The following L3MBTL1 variants were observed in gnomAD, a reference collection of about 807,000 sequenced individuals.
L3MBTL1 encodes L3MBTL histone methyl-lysine binding protein 1, also known as lethal(3)malignant brain tumor-like protein 1.
Under a neutral mutation model 105.3 loss-of-function variants are expected in L3MBTL1, and 75 were observed. The observed-to-expected ratio is 0.71, with a 90% CI of 0.59 to 0.86. The LOEUF (loss-of-function observed/expected upper bound fraction) is 0.86, where lower values mean the gene tolerates loss of function less well. L3MBTL1 is among the 40% of genes least tolerant of loss of function. L3MBTL1 has a pLI of 0.00. For synonymous variants in L3MBTL1, 452 were observed against 436.2 expected (o/e 1.04, Z -0.45); for missense variants, 1,069 against 1,126.4 (o/e 0.95, Z 0.73).
downstream of L3MBTL1, among the ~76,000 whole-genome samples, chr20:43,544,285 T>C (rs1978430069): frequency 2.0e-5 from 3 of 152,246 alleles, no homozygotes; most frequent in African/African-American, 7.2e-5. Flanking sequence ...ATTCCATGTG[T>C]GGCTCTCTCA....
chr20:43,542,611 C>CAAAAAAAAAAAAAAAAA (rs5841503), downstream of L3MBTL1, among the ~76,000 whole-genome samples: 1 of 112,660 alleles, frequency 8.9e-6, no homozygotes, highest in African/African-American at 3.3e-5. Context: ...AAAAATTTAA[C>CAAAAAAAAAAAAAAAAA]AAAAAAAAAA....
At chr20:43,534,979 C>A in intron 16 of L3MBTL1, 37 bp downstream of exon 16, 1 of 1,429,846 alleles carries the variant, frequency 7.0e-7, no homozygotes, top group Non-Finnish European at 9.6e-7. Context: ...TTTTCCTTTC[C>A]CCCCAGGTTC....
Position 43,534,888 on chromosome 20 carries a change from A to T in L3MBTL1, c.1771A>T (p.Ile591Phe), listed in dbSNP as rs368489136. 2.5e-6 allele frequency: 4 copies of T among 1,609,094 alleles called. No homozygotes were observed. In the African/African-American group the frequency reaches 5.4e-5, roughly 22 times the overall value. ...DFWIDADHPDIHPAGWCSKTG... is the reference protein window; with the variant it reads ...DFWIDADHPDFHPAGWCSKTG... Reference sequence around the variant, plus strand: ...CTGGATCGACGCTGACCACCCAGACATCCACCCTGCCGGCTGGTGCTCCAA... The same window carrying T: ...CTGGATCGACGCTGACCACCCAGACTTCCACCCTGCCGGCTGGTGCTCCAA... The change falls in exon 16 of 22, where the codon ATC becomes TTC. Residue 591 changes from isoleucine (I) to phenylalanine (F), a missense_variant. Ile to Phe is a conservative substitution (Grantham distance 21). Coordinates refer to ENST00000418998, the MANE Select transcript of L3MBTL1 (RefSeq NM_001377303.1).
intron 2 of L3MBTL1, 30 bp downstream of exon 2, chr20:43,513,669 A>G (rs1255634368): frequency 1.9e-6 from 3 of 1,550,536 alleles, no homozygotes; most frequent in Non-Finnish European, 2.6e-6. Flanking sequence ...GAGTCTGGGA[A>G]GGAAGAGCAT....
chr20:43,547,968 T>C, intron 18 of L3MBTL1: 2 of 335,398 alleles, frequency 6.0e-6, no homozygotes, highest in South Asian at 3.2e-5. Flanking sequence ...TCTCCCCTTC[T>C]CTCCTCCTTC....
Position 43,515,276 on chromosome 20 carries a change from G to T in L3MBTL1, c.654-16G>T. On this transcript the variant is annotated splice_polypyrimidine_tract_variant and intron_variant, in intron 5 of 21. Coordinates refer to ENST00000418998, the MANE Select transcript of L3MBTL1 (RefSeq NM_001377303.1). Reference sequence around the variant, plus strand: ...CAGGGCGGGTGGTTCTTTCCCTAAGGCTGGCCCTTCCTCAGGTCAGTCATA... The same window carrying T: ...CAGGGCGGGTGGTTCTTTCCCTAAGTCTGGCCCTTCCTCAGGTCAGTCATA... 6.2e-7 allele frequency: 1 copy of T among 1,610,454 alleles called. No individual in the cohort carries two copies. Among genetic ancestry groups the T allele is most frequent in the East Asian group, 2.2e-5 (1 of 44,748 alleles).
chr20:43,516,718 A>G (rs768987076), intron 7 of L3MBTL1, among the ~76,000 whole-genome samples: 19 of 152,114 alleles, frequency 1.2e-4, no homozygotes, highest in Non-Finnish European at 2.4e-4. Context: ...AGTTTGTTTA[A>G]TGTCTCTCTT....
At chr20:43,515,519 C>G in intron 6 of L3MBTL1, 104 bp downstream of exon 6, 1 of 1,421,004 alleles carries the variant, frequency 7.0e-7, no homozygotes, top group Non-Finnish European at 9.5e-7. Context: ...CCAGAGAAGA[C>G]ACGCATAATG....
chr20:43,510,514 C>T lies in L3MBTL1; in HGVS notation c.-29+2770C>T, dbSNP rs1227096671. 2.0e-5 allele frequency among the ~76,000 whole-genome samples: 3 copies of T among 150,338 alleles called. No individual in the cohort carries two copies. The Admixed American group carries it at 2.0e-4, about 10-fold the overall frequency. On this transcript the variant is annotated intron_variant, in intron 1 of 21. Transcript: ENST00000418998. ...CCACCTCCTGGGTTCAAGCAATTCT[C>T]CTGCCTCAGCCTCCCAAATAGCTGG... is the stretch of plus-strand genomic sequence containing the variant.
At chr20:43,524,129 C>A (rs1451839433) in intron 7 of L3MBTL1, among the ~76,000 whole-genome samples, 1 of 152,064 alleles carries the variant, frequency 6.6e-6, no homozygotes, top group African/African-American at 2.4e-5. Flanking sequence ...CAGAAACTTA[C>A]TAATTTTATT....
In L3MBTL1 at chr20:43,515,066, G is replaced by A; in HGVS notation, c.560G>A (p.Ser187Asn). ...AATCAGGACCCCCCAGAGGATGATA[G>A]CACCTGTCAGTGCCAGGCGTGCGGG... The part of the protein sequence containing the change: ...DPNQDPPEDD[S>N]TCQCQACGPH... Residue 187 changes from serine (S) to asparagine (N), a missense_variant, in exon 5 of 22, where the codon AGC (serine) becomes AAC (asparagine). Ser to Asn is a conservative substitution (Grantham distance 46). Coordinates refer to ENST00000418998, the MANE Select transcript of L3MBTL1 (RefSeq NM_001377303.1). 1 of 1,614,142 alleles carries A rather than the reference G, an allele frequency of 6.2e-7. No homozygotes were observed. The highest frequency in any genetic ancestry group is 1.7e-4 in the Middle Eastern group (1 of 6,060).
rs968967333 is a variant in L3MBTL1, at chr20:43,514,004, A to T, written c.303A>T (p.Thr101=). 6.5e-7 allele frequency: 1 copy of T among 1,542,554 alleles called. No homozygotes were observed. Among genetic ancestry groups the T allele is most frequent in the Non-Finnish European group, 8.7e-7 (1 of 1,146,846 alleles). The part of the protein sequence containing the change: ...SAGPASSSTS[T]VRLLEWTEAA... ...GGCCGGCCAGCTCCAGCACCAGCACAGTGCGGCTTCTGGAATGGACAGAGG... is the reference window on the plus strand; with the variant it reads ...GGCCGGCCAGCTCCAGCACCAGCACTGTGCGGCTTCTGGAATGGACAGAGG... Residue 101 remains threonine, a synonymous_variant, in exon 3 of 22, where the codon ACA becomes ACT. Transcript: ENST00000418998.
At chr20:43,514,319 T>C (rs540804330) in intron 3 of L3MBTL1, 9 of 1,009,566 alleles carry the variant, frequency 8.9e-6, no homozygotes, top group Middle Eastern at 3.3e-4. Flanking sequence ...TGGCTTAGAC[T>C]GGGGCACCCT....
Position 43,514,025 on chromosome 20 carries a change from A to G in L3MBTL1, c.324A>G (p.Thr108=), listed in dbSNP as rs924660556. 13 of 1,537,866 alleles carry G rather than the reference A, an allele frequency of 8.5e-6. No homozygotes were observed. Among genetic ancestry groups the G allele is most frequent in the Non-Finnish European group, 1.1e-5 (13 of 1,146,706 alleles). ...GCACAGTGCGGCTTCTGGAATGGAC[A>G]GAGGCCGCGGCCCCGCCCCCAGGGG... ...STSTVRLLEW[T]EAAAPPPGGG... Residue 108 remains threonine, a synonymous_variant, in exon 3 of 22, where the codon ACA becomes ACG. Coordinates refer to ENST00000418998, the MANE Select transcript of L3MBTL1 (RefSeq NM_001377303.1).
chr20:43,513,937 G>T lies in L3MBTL1; in HGVS notation c.236G>T (p.Cys79Phe). Residue 79 changes from cysteine (C) to phenylalanine (F), a missense_variant, in exon 3 of 22, where the codon TGC becomes TTC. Transcript: ENST00000418998. ...GGTGCCCCGGAGCAAGTGGCCGGCT[G>T]CGAACCAGTTTCTGCCACCGTCCTG... ...HVGAPEQVAG[C>F]EPVSATVLPQ... 6.5e-7 allele frequency: 1 copy of T among 1,550,196 alleles called. No individual in the cohort carries two copies.
At chr20:43,534,490 G>A (rs1266926129) in intron 15 of L3MBTL1, 96 bp downstream of exon 15, 25 of 952,186 alleles carry the variant, frequency 2.6e-5, no homozygotes, top group Non-Finnish European at 3.9e-5. Context: ...GCATGAGAGA[G>A]ATGAAGCCAA....
chr20:43,514,585 G>A (rs1242123044), intron 3 of L3MBTL1, 50 bp from the exon 4 acceptor site: 1 of 1,599,176 alleles, frequency 6.3e-7, no homozygotes, highest in Non-Finnish European at 8.5e-7. Flanking sequence ...TCCGAGATGG[G>A]TCAAGGACCC....
intron 13 of L3MBTL1, among the ~76,000 whole-genome samples, 178 bp from the exon 14 acceptor site, chr20:43,533,830 G>A (rs1332131311): frequency 6.6e-6 from 1 of 152,154 alleles, no homozygotes; most frequent in Non-Finnish European, 1.5e-5. Flanking sequence ...TGCCTTGCTT[G>A]GTTCTACTAG....
At chr20:43,549,189 C>T (rs1978824506) in exon 19 of L3MBTL1, 1 of 152,220 alleles carries the variant, frequency 6.6e-6, no homozygotes, top group Non-Finnish European at 1.5e-5. Context: ...ATAGTGGTGC[C>T]TGAAGTTAGG....
Sources: gnomAD v4.1 joint callset for allele counts (sites outside exome capture counted in the v4.1 genomes callset) on GRCh38, gnomAD v4.1.1 for gene constraint, MANE v1.5 for transcripts, NCBI Gene and HGNC (gene_info 2026-07-23, HGNC 2026-07-21) for gene names.